The following LEKR1 variants were observed in gnomAD, a reference collection of about 807,000 sequenced individuals.
The protein encoded by LEKR1 is leucine, glutamate and lysine rich 1.
Under a neutral mutation model 72.4 loss-of-function variants are expected in LEKR1, and 59 were observed. The ratio of observed to expected loss-of-function variants is 0.82; its 90% CI spans 0.66 to 1.01. The LOEUF (loss-of-function observed/expected upper bound fraction) is 1.01, where lower values mean the gene tolerates loss of function less well. LEKR1 is among the 50% of genes least tolerant of loss of function. The pLI is 0.00. For synonymous variants in LEKR1, 257 were observed against 263.2 expected (o/e 0.98, Z 0.23); for missense variants, 728 against 759.2 (o/e 0.96, Z 0.48).
At chr3:156,927,364 T>A (rs1724815062) in intron 4 of LEKR1, 65 bp from the exon 5 acceptor site, 1 of 660,066 alleles carries the variant, frequency 1.5e-6, no homozygotes, top group South Asian at 2.5e-5. Flanking sequence ...CTAAAACTAT[T>A]TTTGAAGAAA....
chr3:156,835,863 CTTTTTTTTTTTTTTTT>C (rs59061418), intron 2 of LEKR1, among the ~76,000 whole-genome samples: 3 of 55,510 alleles, frequency 5.4e-5, no homozygotes, highest in Non-Finnish European at 9.7e-5. Flanking sequence ...CTCTGTCTCA[CTTTTTTTTTTTTTTTT>C]TTTTTTTTTT....
rs184715950 is a variant in LEKR1, at chr3:157,046,119, G to A, written c.*369G>A. The A allele has an allele frequency of 3.2e-3, 582 of 183,036 alleles. 4 individuals carry two copies. Among genetic ancestry groups the A allele is most frequent in the South Asian group, 0.019 (129 of 6,720 alleles). 11.3% of individuals were successfully genotyped at this position (183,036 alleles called of 1,614,324 possible). A position where few individuals can be genotyped will look rare whatever the true frequency, so the allele number is the denominator to read the frequency against. On this transcript the variant is annotated 3_prime_UTR_variant, in exon 13 of 13. Transcript: ENST00000356539. The stretch of plus-strand genomic sequence containing the variant: ...ATATATTTCCACAAAAAAATAGATT[G>A]TTTGAGATTTGTTGGTATGTGTTCA...
At chr3:156,827,714 G>C (rs1711819830) in intron 1 of LEKR1, among the ~76,000 whole-genome samples, 1 of 152,122 alleles carries the variant, frequency 6.6e-6, no homozygotes, top group East Asian at 1.9e-4. Flanking sequence ...GTTTCCCCCC[G>C]ATAATCAGAA....
intron 10 of LEKR1, among the ~76,000 whole-genome samples, chr3:157,013,111 A>G (rs1315433925): frequency 6.6e-6 from 1 of 152,160 alleles, no homozygotes; most frequent in Non-Finnish European, 1.5e-5. Context: ...AATATGTACC[A>G]AGAGATATTA....
Position 157,037,289 on chromosome 3 carries a change from C to A in LEKR1, c.1669-8051C>A, listed in dbSNP as rs1735030505. On this transcript the variant is annotated intron_variant, in intron 12 of 12. Coordinates refer to ENST00000356539, the MANE Select transcript of LEKR1 (RefSeq NM_001004316.3). The stretch of plus-strand genomic sequence containing the variant: ...TGGAAATGTGAAGAAATGCTTTTTT[C>A]ATTGTGAGTTTTAGTATTATTTTAC... Among the ~76,000 whole-genome samples the A allele has an allele frequency of 3.9e-5, 6 of 151,956 alleles. No homozygotes were observed. In the South Asian group the frequency reaches 1.2e-3, roughly 31 times the overall value.
intron 3 of LEKR1, among the ~76,000 whole-genome samples, chr3:156,874,526 G>A (rs1417005779): frequency 7.8e-6 from 1 of 128,104 alleles, no homozygotes; most frequent in Non-Finnish European, 1.8e-5. Flanking sequence ...TGTTATATGT[G>A]ATTTTTTTAA....
intron 2 of LEKR1, among the ~76,000 whole-genome samples, chr3:156,839,291 A>G (rs545443024): frequency 6.6e-6 from 1 of 152,364 alleles, no homozygotes; most frequent in East Asian, 1.9e-4. Flanking sequence ...CTCTGAAGTC[A>G]GGAAGTACCT....
At chr3:156,948,929 T>G (rs993127321) in intron 6 of LEKR1, among the ~76,000 whole-genome samples, 1 of 151,598 alleles carries the variant, frequency 6.6e-6, no homozygotes, top group African/African-American at 2.4e-5. Flanking sequence ...ATAGTGAACT[T>G]TTTTTTCCTA....
chr3:156,918,047 G>A (rs1476980810), intron 3 of LEKR1, among the ~76,000 whole-genome samples: 5 of 151,998 alleles, frequency 3.3e-5, no homozygotes, highest in Non-Finnish European at 5.9e-5. Context: ...AGAAAACTAC[G>A]AAAGAAGAAA....
At chr3:156,854,633 C>T (rs1482106018) in intron 3 of LEKR1, among the ~76,000 whole-genome samples, 8 of 151,410 alleles carry the variant, frequency 5.3e-5, no homozygotes, top group Non-Finnish European at 8.8e-5. Flanking sequence ...CTTGACCTTC[C>T]GGACTCAAGC....
At chr3:156,980,975 A>G (rs747664989) in intron 7 of LEKR1, among the ~76,000 whole-genome samples, 4 of 152,228 alleles carry the variant, frequency 2.6e-5, no homozygotes, top group Non-Finnish European at 4.4e-5. Context: ...AGATGGTCCT[A>G]TAAGATTATA....
intron 6 of LEKR1, among the ~76,000 whole-genome samples, chr3:156,966,343 G>A (rs1320736884): frequency 3.9e-5 from 6 of 152,236 alleles, no homozygotes; most frequent in South Asian, 4.1e-4. Context: ...CGCCTCACCC[G>A]GGAAGTGCAA....
At chr3:157,008,197 A>G (rs1019967275) in intron 9 of LEKR1, among the ~76,000 whole-genome samples, 1 of 152,308 alleles carries the variant, frequency 6.6e-6, no homozygotes, top group African/African-American at 2.4e-5. Flanking sequence ...CAATTTGAAC[A>G]GTGACTCTCC....
At chr3:156,858,248 CAAGA>C (rs1417791476) in intron 3 of LEKR1, among the ~76,000 whole-genome samples, 1 of 151,892 alleles carries the variant, frequency 6.6e-6, no homozygotes, top group Non-Finnish European at 1.5e-5. Flanking sequence ...GAGAAAGAGA[CAAGA>C]AAGAGAGTGA....
intron 3 of LEKR1, among the ~76,000 whole-genome samples, chr3:156,899,604 A>G (rs942081904): frequency 2.2e-4 from 30 of 135,930 alleles, no homozygotes; most frequent in Middle Eastern, 4.1e-3. Context: ...ACATATACGT[A>G]TATATACACA....
At chr3:157,005,211 G>A (rs1026743284) in intron 9 of LEKR1, among the ~76,000 whole-genome samples, 2 of 152,060 alleles carry the variant, frequency 1.3e-5, no homozygotes, top group Non-Finnish European at 2.9e-5. Flanking sequence ...CAACTCTGAT[G>A]AGATGGACAA....
intron 9 of LEKR1, among the ~76,000 whole-genome samples, chr3:156,997,783 A>G (rs1159537715): frequency 2.0e-5 from 3 of 152,238 alleles, no homozygotes; most frequent in African/African-American, 4.8e-5. Context: ...GACCCTAGAA[A>G]AAAACTAGCA....
Position 156,927,553 on chromosome 3 carries a change from A to T in LEKR1, c.508A>T (p.Lys170Ter). ...YDNYQNWTSL[K>*]GAVFLQIKSI... Reference sequence around the variant, plus strand: ...TAATTACCAAAACTGGACTTCATTGAAAGGAGCAGTTTTTCTACAAATTAA... The same window carrying T: ...TAATTACCAAAACTGGACTTCATTGTAAGGAGCAGTTTTTCTACAAATTAA... The change falls in exon 5 of 13, where the codon AAA (lysine) becomes TAA (stop). Residue 170 changes from lysine (K) to a stop codon, truncating the protein, a stop_gained. Transcript: ENST00000356539. LOFTEE classifies it high-confidence loss of function. 1 of 1,240,392 alleles carries T rather than the reference A, an allele frequency of 8.1e-7. No individual in the cohort carries two copies. Among genetic ancestry groups the T allele is most frequent in the Non-Finnish European group, 1.0e-6 (1 of 969,454 alleles). 76.8% of individuals were successfully genotyped at this position (1,240,392 alleles called of 1,614,324 possible).
At chr3:156,956,441 C>A (rs1217136524) in intron 6 of LEKR1, among the ~76,000 whole-genome samples, 1 of 151,920 alleles carries the variant, frequency 6.6e-6, no homozygotes, top group African/African-American at 2.4e-5. Flanking sequence ...GCGAAAATGG[C>A]AGTATATATC....
Sources: allele counts gnomAD v4.1 joint callset (sites outside exome capture counted in the v4.1 genomes callset), GRCh38; gene constraint gnomAD v4.1.1; transcripts MANE v1.5; gene names NCBI Gene and HGNC (gene_info 2026-07-23, HGNC 2026-07-21).